L3MBTL4: variants seen among roughly 807,000 people sequenced by gnomAD.
L3MBTL4 encodes L3MBTL histone methyl-lysine binding protein 4.
L3MBTL4 carries 70 observed loss-of-function variants against 84.5 expected under a neutral mutation model. The observed-to-expected ratio is 0.83, with a 90% CI of 0.68 to 1.01. L3MBTL4 has a LOEUF of 1.01. Ranked by LOEUF, L3MBTL4 falls within the 50% of genes least tolerant of loss-of-function variation. L3MBTL4 has a pLI of 0.00. For synonymous variants in L3MBTL4, 274 were observed against 259.8 expected, an observed-to-expected ratio of 1.05 and a Z score of -0.52; for missense variants, 715 against 754.8, an observed-to-expected ratio of 0.95 and a Z score of 0.62.
intron 12 of L3MBTL4, among the ~76,000 whole-genome samples, chr18:6,192,149 G>A (rs925590813): frequency 7.9e-5 from 12 of 152,216 alleles, no homozygotes; most frequent in Admixed American, 4.6e-4. Context: ...TGGAAGCCAC[G>A]TGAAGAAACT....
intron 5 of L3MBTL4, among the ~76,000 whole-genome samples, chr18:6,263,269 CA>C (rs750079581): frequency 0.073 from 4,423 of 60,628 alleles, 98 homozygotes; most frequent in African/African-American, 0.16. Context: ...CTCCGTCTCA[CA>C]AAAAAAAAAA....
intron 16 of L3MBTL4, among the ~76,000 whole-genome samples, chr18:6,012,579 C>CT (rs1297222403): frequency 6.6e-6 from 1 of 151,864 alleles, no homozygotes; most frequent in Non-Finnish European, 1.5e-5. Flanking sequence ...AATCCCAGCA[C>CT]TTTGGGAGGA....
intron 3 of L3MBTL4, among the ~76,000 whole-genome samples, chr18:6,305,614 G>C (rs2050549633): frequency 6.6e-6 from 1 of 152,130 alleles, no homozygotes; most frequent in Non-Finnish European, 1.5e-5. Context: ...TGAAAATAAA[G>C]TTCCAGAAAA....
chr18:6,385,167 C>T (rs1172952388), intron 1 of L3MBTL4, among the ~76,000 whole-genome samples: 1 of 152,070 alleles, frequency 6.6e-6, no homozygotes, highest in Admixed American at 6.6e-5. Context: ...TCCGAGAGGC[C>T]AGGGTGGGAG....
chr18:6,170,745 G>A (rs769338024), intron 13 of L3MBTL4, among the ~76,000 whole-genome samples: 1 of 152,088 alleles, frequency 6.6e-6, no homozygotes, highest in South Asian at 2.1e-4. Flanking sequence ...TATTGGGGGG[G>A]GTTCACATAA....
intron 16 of L3MBTL4, among the ~76,000 whole-genome samples, chr18:6,005,253 G>T (rs755905134): frequency 5.3e-5 from 8 of 151,844 alleles, no homozygotes; most frequent in Non-Finnish European, 1.2e-4. Flanking sequence ...AGCTGAAGCA[G>T]GAGAATTGCT....
intron 10 of L3MBTL4, among the ~76,000 whole-genome samples, chr18:6,230,591 T>C (rs1488640069): frequency 6.6e-6 from 1 of 152,158 alleles, no homozygotes; most frequent in Non-Finnish European, 1.5e-5. Context: ...CCTTTGGGTA[T>C]ATACTCAATA....
intron 3 of L3MBTL4, among the ~76,000 whole-genome samples, chr18:6,302,230 T>TGTGAGGTG (rs1306981205): frequency 2.0e-5 from 3 of 152,116 alleles, no homozygotes; most frequent in Non-Finnish European, 4.4e-5. Flanking sequence ...TTGACACAGG[T>TGTGAGGTG]ACCTTCCCTG....
At chr18:5,964,670 C>A (rs1007749957) in intron 17 of L3MBTL4, among the ~76,000 whole-genome samples, 1 of 152,116 alleles carries the variant, frequency 6.6e-6, no homozygotes, top group African/African-American at 2.4e-5. Flanking sequence ...GAGGCTAGGG[C>A]AATTTATATG....
intron 10 of L3MBTL4, among the ~76,000 whole-genome samples, chr18:6,231,846 A>T (rs889490074): frequency 6.6e-6 from 1 of 152,072 alleles, no homozygotes; most frequent in South Asian, 2.1e-4. Context: ...CTTCTAACAG[A>T]TATGATTTTA....
At chr18:6,095,619 G>A (rs1035043808) in intron 14 of L3MBTL4, among the ~76,000 whole-genome samples, 14 of 152,056 alleles carry the variant, frequency 9.2e-5, no homozygotes, top group Admixed American at 7.9e-4. Context: ...CGAAGTGCTG[G>A]GATTACAAGC....
chr18:6,093,884 T>C (rs889944730), intron 14 of L3MBTL4, among the ~76,000 whole-genome samples: 1 of 152,234 alleles, frequency 6.6e-6, no homozygotes, highest in Non-Finnish European at 1.5e-5. Flanking sequence ...CATTCCCTGG[T>C]TTGACTGTAT....
Position 6,184,746 on chromosome 18 carries a change from C to T in L3MBTL4, c.982-12804G>A, listed in dbSNP as rs554931022. On this transcript the variant is annotated intron_variant, in intron 12 of 18. Transcript: ENST00000317931. ...GGATGGGTGAAGAGAAGAGTGCATA[C>T]GTGGAAGGGGCCAGGGGAGAAACGA... is the stretch of plus-strand genomic sequence containing the variant. 1.2e-4 allele frequency among the ~76,000 whole-genome samples: 19 copies of T among 152,202 alleles called. No individual in the cohort carries two copies. The South Asian group carries it at 2.7e-3, about 22-fold the overall frequency.
rs553752816 is a variant in L3MBTL4 at position 5,954,913 on chromosome 18, C to G, written c.*1307G>C. On this transcript the variant is annotated 3_prime_UTR_variant, in exon 19 of 19. Coordinates refer to ENST00000317931, the MANE Select transcript of L3MBTL4 (RefSeq NM_001330559.2). Reference sequence around the variant, plus strand: ...AAAGAAATGTTATATATGCACACCTCTTAGAGTTTGTTTATTTTCTTCAGT... The same window carrying G: ...AAAGAAATGTTATATATGCACACCTGTTAGAGTTTGTTTATTTTCTTCAGT... The G allele has an allele frequency of 1.3e-5, 2 of 152,216 alleles. No homozygotes were observed. Among genetic ancestry groups the G allele is most frequent in the African/African-American group, 2.4e-5 (1 of 41,536 alleles). 9.4% of individuals were successfully genotyped at this position (152,216 alleles called of 1,614,324 possible).
At chr18:6,095,443 C>T (rs928175539) in intron 14 of L3MBTL4, among the ~76,000 whole-genome samples, 2 of 151,478 alleles carry the variant, frequency 1.3e-5, no homozygotes, top group South Asian at 2.1e-4. Context: ...CTCCGCCTCC[C>T]GGGTTCACGC....
In L3MBTL4 at chr18:6,301,918, T is replaced by C. The variant is rs2050356789; in HGVS notation, c.112A>G (p.Thr38Ala). ...EEEKKPKDST[T>A]PLSHVPSAAA... ...TGATAATTACCGTGACTCAAAGGGG[T>C]TGTGCTATCCTTGGGCTTCTTTTCC... The change falls in exon 4 of 19, where the codon ACC becomes GCC. Residue 38 changes from threonine (T) to alanine (A), a missense_variant. Physicochemically the swap from Thr to Ala is moderately conservative, Grantham distance 58. Coordinates refer to ENST00000317931, the MANE Select transcript of L3MBTL4 (RefSeq NM_001330559.2). 6.2e-7 allele frequency: 1 copy of C among 1,613,236 alleles called. No individual in the cohort carries two copies.
intron 5 of L3MBTL4, among the ~76,000 whole-genome samples, chr18:6,245,966 A>G (rs1415347045): frequency 6.6e-6 from 1 of 152,146 alleles, no homozygotes; most frequent in Non-Finnish European, 1.5e-5. Flanking sequence ...TGAGTTTTCT[A>G]TGGTGTCAGG....
At chr18:6,323,763 T>G (rs767160805) in intron 1 of L3MBTL4, among the ~76,000 whole-genome samples, 2 of 152,192 alleles carry the variant, frequency 1.3e-5, no homozygotes, top group Non-Finnish European at 2.9e-5. Flanking sequence ...TTTGGAAAAT[T>G]TGCAGCCTGG....
chr18:6,379,300 A>C (rs2054501636), intron 1 of L3MBTL4, among the ~76,000 whole-genome samples: 1 of 152,190 alleles, frequency 6.6e-6, no homozygotes, highest in South Asian at 2.1e-4. Context: ...CTATTTGAAT[A>C]GCCTTTATTT....
Sources: allele counts gnomAD v4.1 joint callset (sites outside exome capture counted in the v4.1 genomes callset), GRCh38; gene constraint gnomAD v4.1.1; transcripts MANE v1.5; gene names NCBI Gene and HGNC (gene_info 2026-07-23, HGNC 2026-07-21).